The following SNRK variants were observed in gnomAD, a reference collection of about 807,000 sequenced individuals.
The protein encoded by SNRK is SNF-related serine/threonine-protein kinase.
Under a neutral mutation model 48.2 loss-of-function variants are expected in SNRK, and 3 were observed. That is an observed-to-expected ratio of 0.06 (90% CI 0.03 to 0.16). SNRK has a LOEUF of 0.16. Among genes scored for constraint, SNRK ranks in the 10% least tolerant of loss-of-function variants. The pLI is 1.00. For synonymous variants in SNRK, 376 were observed against 366.1 expected (o/e 1.03, Z -0.31); for missense variants, 627 against 976.0 (o/e 0.64, Z 4.76).
In SNRK at chr3:43,348,014, G is replaced by A. The variant is rs1031489038; in HGVS notation, c.1755G>A (p.Lys585=). 3.7e-6 allele frequency: 6 copies of A among 1,611,820 alleles called. No homozygotes were observed. In the African/African-American group the frequency reaches 8.0e-5, roughly 22 times the overall value. ...AGGGGGATGGCGGGGGCCAGAGCAA[G>A]CCAAGCAATGCCAGTGGAGGGGTGG... is the stretch of plus-strand genomic sequence containing the variant. ...GSEGDGGGQS[K]PSNASGGVDK... Residue 585 remains lysine, a synonymous_variant, in exon 7 of 7, where the codon AAG becomes AAA. Coordinates refer to ENST00000296088, the MANE Select transcript of SNRK (RefSeq NM_017719.5).
At chr3:43,301,172 A>G (rs1004524435) in intron 2 of SNRK, among the ~76,000 whole-genome samples, 20 of 152,254 alleles carry the variant, frequency 1.3e-4, no homozygotes, top group African/African-American at 4.6e-4. Context: ...TAGTAAACAT[A>G]TTAACATTGA....
intron 4 of SNRK, among the ~76,000 whole-genome samples, chr3:43,335,951 A>ATAC (rs993533840): frequency 6.6e-6 from 1 of 152,118 alleles, no homozygotes; most frequent in African/African-American, 2.4e-5. Flanking sequence ...CTGGTTTTAA[A>ATAC]TACATCTTTT....
At position 43,322,900 on chromosome 3, in the gene SNRK, C is replaced by T. The variant is rs920661263; in HGVS notation, c.590-9269C>T. ...CCGGGAGGCGGAGCTTACAGTGAGC[C>T]GAGACCGTGCCACTGCACTACAGCC... On this transcript the variant is annotated intron_variant, in intron 3 of 6. Coordinates refer to ENST00000296088, the MANE Select transcript of SNRK (RefSeq NM_017719.5). Among the ~76,000 whole-genome samples, 7 of 128,630 alleles carry T rather than the reference C, an allele frequency of 5.4e-5. No individual in the cohort carries two copies. The East Asian group carries it at 1.1e-3, about 19-fold the overall frequency. The allele number at this position is 128,630 out of a possible 152,430, so 84.4% of individuals were successfully genotyped here.
chr3:43,319,201 A>C (rs1303185719), intron 3 of SNRK, among the ~76,000 whole-genome samples: 2 of 152,108 alleles, frequency 1.3e-5, no homozygotes, highest in African/African-American at 4.8e-5. Context: ...CATCAGGTTG[A>C]TCTATTAGCC....
Position 43,290,504 on chromosome 3 carries a change from T to TTC in SNRK, c.-169+3829_-169+3830insTC, listed in dbSNP as rs750533843. On this transcript the variant is annotated intron_variant, in intron 1 of 6. Transcript: ENST00000296088. ...TCCCTTTGCTTAGCCTCCTGTGCATTGAGTTCTTGGATTCTACTTCCAAAA... is the reference window on the plus strand; with the variant it reads ...TCCCTTTGCTTAGCCTCCTGTGCATTTCGAGTTCTTGGATTCTACTTCCAAAA... Among the ~76,000 whole-genome samples, 22 of 152,334 alleles carry TTC rather than the reference T, an allele frequency of 1.4e-4. No homozygotes were observed. In the South Asian group the frequency reaches 2.5e-3, roughly 17 times the overall value.
intron 5 of SNRK, among the ~76,000 whole-genome samples, chr3:43,342,708 TTGG>T (rs2091246381): frequency 6.6e-6 from 1 of 152,230 alleles, no homozygotes; most frequent in East Asian, 1.9e-4. Flanking sequence ...GCTGTGGGCC[TTGG>T]TGGGCCTTGT....
At chr3:43,318,170 G>C (rs905913418) in intron 3 of SNRK, among the ~76,000 whole-genome samples, 3 of 152,090 alleles carry the variant, frequency 2.0e-5, no homozygotes, top group Non-Finnish European at 4.4e-5. Flanking sequence ...ATTTGTCCTC[G>C]GGAATTTCTG....
At chr3:43,287,157 C>A (rs1305656936) in intron 1 of SNRK, among the ~76,000 whole-genome samples, 1 of 152,076 alleles carries the variant, frequency 6.6e-6, no homozygotes, top group East Asian at 1.9e-4. Context: ...AAAAGGGTTC[C>A]GTGGTCAAAC....
Position 43,303,850 on chromosome 3 carries a change from G to A in SNRK, c.589+58G>A. ...GAATTCTGCCAGCTAGAGTTGGTCA[G>A]ATCGGTTGTTTATCTAAAAATGATT... On this transcript the variant is annotated intron_variant, in intron 3 of 6. Transcript: ENST00000296088. The surrounding 1 kb of genome is among the most constrained non-coding windows in gnomAD (Gnocchi z 6.2). 1 of 1,214,306 alleles carries A rather than the reference G, an allele frequency of 8.2e-7. No individual in the cohort carries two copies. Among genetic ancestry groups the A allele is most frequent in the South Asian group, 1.5e-5 (1 of 68,378 alleles). 75.2% of individuals were successfully genotyped at this position (1,214,306 alleles called of 1,614,324 possible).
chr3:43,309,513 C>A (rs1377360256), intron 3 of SNRK, among the ~76,000 whole-genome samples: 1 of 152,156 alleles, frequency 6.6e-6, no homozygotes, highest in Non-Finnish European at 1.5e-5. Context: ...CAGCAACCAC[C>A]ACCCTGATTA....
intron 5 of SNRK, 163 bp from the exon 6 acceptor site, chr3:43,343,181 A>C: frequency 1.2e-6 from 1 of 814,128 alleles, no homozygotes; most frequent in South Asian, 2.6e-5. Flanking sequence ...TGAGTGACCT[A>C]AATAACTACT....
intron 6 of SNRK, among the ~76,000 whole-genome samples, chr3:43,345,668 A>T (rs1024070230): frequency 6.6e-6 from 1 of 152,182 alleles, no homozygotes; most frequent in Non-Finnish European, 1.5e-5. Context: ...CCACTAGAGA[A>T]TGAAGTCCCA....
chr3:43,341,163 T>TG (rs1175264385), intron 5 of SNRK, among the ~76,000 whole-genome samples: 13 of 152,148 alleles, frequency 8.5e-5, no homozygotes, highest in African/African-American at 3.1e-4. Context: ...TTTGTTTTTT[T>TG]TTTTTGAGAT....
chr3:43,338,567 T>C (rs1020050343), intron 4 of SNRK, among the ~76,000 whole-genome samples: 8 of 152,240 alleles, frequency 5.3e-5, no homozygotes, highest in African/African-American at 1.7e-4. Context: ...TGTGTGCTCT[T>C]TGATGAATTT....
chr3:43,310,492 CT>C (rs932498587), intron 3 of SNRK, among the ~76,000 whole-genome samples: 6 of 152,002 alleles, frequency 3.9e-5, no homozygotes, highest in African/African-American at 1.4e-4. Context: ...TAAATACTTA[CT>C]TTTTACTTAA....
intron 5 of SNRK, among the ~76,000 whole-genome samples, chr3:43,340,926 T>G (rs74733163): frequency 0.032 from 4,799 of 152,268 alleles, 251 homozygotes; most frequent in African/African-American, 0.11. Context: ...CACATTTTTA[T>G]AAGTGAAGTT....
chr3:43,307,543 T>C (rs1038776243), intron 3 of SNRK, among the ~76,000 whole-genome samples: 1 of 152,218 alleles, frequency 6.6e-6, no homozygotes, highest in African/African-American at 2.4e-5. Flanking sequence ...ATTTATTTTT[T>C]ATGGTGATCT....
intron 4 of SNRK, among the ~76,000 whole-genome samples, chr3:43,333,556 G>T (rs894209477): frequency 6.6e-6 from 1 of 151,934 alleles, no homozygotes; most frequent in Admixed American, 6.6e-5. Context: ...TATTGATGAT[G>T]ATTATTTTTA....
chr3:43,308,856 C>G (rs2090957237), intron 3 of SNRK, among the ~76,000 whole-genome samples: 1 of 152,186 alleles, frequency 6.6e-6, no homozygotes, highest in South Asian at 2.1e-4. Context: ...AGTAATTCCT[C>G]CGATCCATCT....
Sources: allele counts gnomAD v4.1 joint callset (sites outside exome capture counted in the v4.1 genomes callset), GRCh38; gene constraint gnomAD v4.1.1; non-coding constraint Gnocchi (gnomAD v3.1); transcripts MANE v1.5; gene names NCBI Gene and HGNC (gene_info 2026-07-23, HGNC 2026-07-21).